Variants in RASSF4 observed in about 807,000 individuals in gnomAD.
RASSF4 encodes the protein Ras association domain family member 4, also known as ras association domain-containing protein 4.
Under a neutral mutation model 41.1 loss-of-function variants are expected in RASSF4, and 38 were observed. That is an observed-to-expected ratio of 0.92 (90% confidence interval 0.71 to 1.21). The LOEUF (loss-of-function observed/expected upper bound fraction) is 1.21, where lower values mean the gene tolerates loss of function less well. Among genes scored for constraint, RASSF4 ranks in the 50% most tolerant of loss-of-function variants. The pLI, the probability that RASSF4 is intolerant of heterozygous loss-of-function variation, is 0.00. For synonymous variants in RASSF4, 179 were observed against 163.4 expected (o/e 1.10, Z -0.73); for missense variants, 414 against 419.4 (o/e 0.99, Z 0.11).
intron 4 of RASSF4, 181 bp downstream of exon 4, chr10:44,982,844 C>T: frequency 1.4e-6 from 1 of 724,308 alleles, no homozygotes. Flanking sequence ...TGGCCTCTCC[C>T]TCCTTCCTGG....
intron 3 of RASSF4, chr10:44,977,452 G>A (rs1198910659): frequency 1.2e-6 from 2 of 1,611,864 alleles, no homozygotes; most frequent in Non-Finnish European, 1.7e-6. Context: ...TGCTGGGGCG[G>A]GGGCGGTGGC....
intron 10 of RASSF4, among the ~76,000 whole-genome samples, chr10:44,992,630 C>T (rs931162091): frequency 5.9e-5 from 9 of 152,264 alleles, no homozygotes; most frequent in Non-Finnish European, 1.0e-4. Flanking sequence ...TTGTGGAGGG[C>T]ACCCCACCAG....
chr10:44,961,312 G>A (rs890388037), intron 1 of RASSF4, among the ~76,000 whole-genome samples: 25 of 152,228 alleles, frequency 1.6e-4, no homozygotes, highest in African/African-American at 5.8e-4. Context: ...GTCGAGAACA[G>A]AATCAAGGTC....
chr10:44,989,815 C>A, intron 8 of RASSF4, 94 bp downstream of exon 8: 2 of 1,117,678 alleles, frequency 1.8e-6, no homozygotes, highest in Non-Finnish European at 2.7e-6. Context: ...GTACTCCCTT[C>A]CAGATGGGCT....
chr10:44,982,250 A>G (rs1841738119), intron 3 of RASSF4: 2 of 498,578 alleles, frequency 4.0e-6, no homozygotes, highest in East Asian at 8.0e-5. Flanking sequence ...GCCGGCCAGC[A>G]GCTGGCTTCC....
At chr10:44,974,014 G>C (rs1409455862) in intron 3 of RASSF4, among the ~76,000 whole-genome samples, 3 of 151,772 alleles carry the variant, frequency 2.0e-5, no homozygotes, top group African/African-American at 7.3e-5. Context: ...CAGGGTACCG[G>C]TACCGGCCTG....
intron 6 of RASSF4, among the ~76,000 whole-genome samples, chr10:44,987,275 T>A (rs2132800031): frequency 6.6e-6 from 1 of 152,252 alleles, no homozygotes; most frequent in South Asian, 2.1e-4. Flanking sequence ...ATTTTTGTAT[T>A]TTTTGTAGAG....
intron 1 of RASSF4, among the ~76,000 whole-genome samples, chr10:44,966,127 C>G (rs903496433): frequency 1.3e-5 from 2 of 152,132 alleles, no homozygotes; most frequent in African/African-American, 2.4e-5. Context: ...AAATTTCAAA[C>G]CCATTGGAGG....
chr10:44,978,203 G>T, intron 3 of RASSF4: 2 of 628,966 alleles, frequency 3.2e-6, no homozygotes, highest in Non-Finnish European at 5.3e-6. Context: ...AGCTCCGACT[G>T]CTGGGATCTT....
At chr10:44,963,303 G>A (rs974779687) in intron 1 of RASSF4, among the ~76,000 whole-genome samples, 3 of 151,916 alleles carry the variant, frequency 2.0e-5, no homozygotes, top group Non-Finnish European at 2.9e-5. Context: ...CTGCTGAGTC[G>A]CCGCCTGCCA....
intron 3 of RASSF4, chr10:44,976,971 G>A: frequency 6.3e-6 from 1 of 158,648 alleles, no homozygotes; most frequent in Non-Finnish European, 1.4e-5. Context: ...AACACCTGGG[G>A]GGCTGACACC....
intron 3 of RASSF4, among the ~76,000 whole-genome samples, chr10:44,974,871 G>A (rs1841337721): frequency 6.6e-6 from 1 of 152,230 alleles, no homozygotes; most frequent in Non-Finnish European, 1.5e-5. Context: ...CCTCGCCTTT[G>A]GGATAATTTT....
rs1481365533 is a variant in RASSF4 at position 44,972,932 on chromosome 10, CAG to C, written c.138+1085_138+1086del. ...CTCTGGGCAGCTGGGGATTGCCAGA[CAG>C]TGGCAGATCAGAGGGCCGGCTGGAA... On this transcript the variant is annotated intron_variant, in intron 3 of 10. Transcript: ENST00000340258. Among the ~76,000 whole-genome samples, 4 of 152,332 alleles carry C rather than the reference CAG, an allele frequency of 2.6e-5. No homozygotes were observed. The East Asian group carries it at 7.7e-4, about 29-fold the overall frequency.
chr10:44,967,517 C>T (rs1333359813), intron 1 of RASSF4, among the ~76,000 whole-genome samples: 1 of 152,202 alleles, frequency 6.6e-6, no homozygotes, highest in Non-Finnish European at 1.5e-5. Context: ...GTTGCCCCGT[C>T]GAAGAAGGAA....
chr10:44,991,020 C>T lies in RASSF4; in HGVS notation c.758C>T (p.Ala253Val). ...CTGCATGGGCCATGTGAGAAGATCG[C>T]CAGGATCTTCCTGATGGAAGCTGAC... ...RILHGPCEKI[A>V]RIFLMEADLG... The change falls in exon 9 of 11, where the codon GCC becomes GTC. Residue 253 changes from alanine to valine, a missense_variant. Physicochemically the swap from Ala to Val is moderately conservative, Grantham distance 64. Transcript: ENST00000340258. The T allele has an allele frequency of 6.2e-7, 1 of 1,613,544 alleles. No homozygotes were observed.
At chr10:44,985,322 C>T (rs1173574221) in intron 6 of RASSF4, among the ~76,000 whole-genome samples, 2 of 152,190 alleles carry the variant, frequency 1.3e-5, no homozygotes, top group Non-Finnish European at 2.9e-5. Flanking sequence ...TCACTCTCAC[C>T]GAATAATTAA....
At chr10:44,975,749 G>A (rs1209385733) in intron 3 of RASSF4, among the ~76,000 whole-genome samples, 2 of 151,120 alleles carry the variant, frequency 1.3e-5, no homozygotes, top group African/African-American at 4.9e-5. Flanking sequence ...TCTACTGGGA[G>A]GGAGCGCCTT....
intron 1 of RASSF4, among the ~76,000 whole-genome samples, chr10:44,969,149 T>C (rs1841039338): frequency 6.6e-6 from 1 of 151,790 alleles, no homozygotes; most frequent in African/African-American, 2.4e-5. Context: ...TGTGTGAAGC[T>C]TTACCTCCCT....
Position 44,984,944 on chromosome 10 carries a change from A to G in RASSF4, c.505A>G (p.Ile169Val), listed in dbSNP as rs765083486. The change falls in exon 6 of 11, where the codon ATC (isoleucine) becomes GTC (valine). Residue 169 changes from isoleucine (I) to valine (V), a missense_variant. By Grantham distance (29) the Ile-to-Val change is conservative. Transcript: ENST00000340258. ...GCGCATCCGGCGACACCGGTTCTCTATCAACGGCCACTTCTACAATCATAA... is the reference window on the plus strand; with the variant it reads ...GCGCATCCGGCGACACCGGTTCTCTGTCAACGGCCACTTCTACAATCATAA... ...AQRIRRHRFS[I>V]NGHFYNHKTS... 104 of 1,612,694 alleles carry G rather than the reference A, an allele frequency of 6.4e-5. No homozygotes were observed. The highest frequency in any genetic ancestry group is 8.5e-5 in the Non-Finnish European group (100 of 1,179,986).
Sources: allele counts gnomAD v4.1 joint callset (sites outside exome capture counted in the v4.1 genomes callset), GRCh38; gene constraint gnomAD v4.1.1; transcripts MANE v1.5; gene names NCBI Gene and HGNC (gene_info 2026-07-23, HGNC 2026-07-21).